LCA5L: variants seen among roughly 807,000 people sequenced by gnomAD.
LCA5L encodes the protein lebercilin-like protein.
In LCA5L, 35 loss-of-function variants were observed where a neutral mutation model predicts 45.4. The ratio of observed to expected loss-of-function variants is 0.77; its 90% CI spans 0.59 to 1.02. The LOEUF (loss-of-function observed/expected upper bound fraction) is 1.02. Ranked by LOEUF, LCA5L falls within the 50% of genes least tolerant of loss-of-function variation. The probability of loss-of-function intolerance (pLI) is 0.00; values close to 1 mark genes in which losing one functional copy is unlikely to be tolerated. For synonymous variants in LCA5L, 233 were observed against 264.7 expected, an observed-to-expected ratio of 0.88 and a Z score of 1.16; for missense variants, 668 against 761.6, an observed-to-expected ratio of 0.88 and a Z score of 1.45.
intron 10 of LCA5L, 26 bp from the exon 11 acceptor site, chr21:39,406,638 G>C (rs778323633): frequency 1.3e-6 from 2 of 1,520,774 alleles, no homozygotes; most frequent in Non-Finnish European, 1.8e-6. Context: ...AGGCAATTTA[G>C]TGCTGTTTAA....
At chr21:39,424,360 A>G (rs2074275903) in intron 5 of LCA5L, among the ~76,000 whole-genome samples, 1 of 152,146 alleles carries the variant, frequency 6.6e-6, no homozygotes, top group East Asian at 1.9e-4. Context: ...ACATGCCTAT[A>G]GTCCTAGCTC....
chr21:39,424,051 T>G (rs746855733), intron 5 of LCA5L, among the ~76,000 whole-genome samples: 35 of 152,228 alleles, frequency 2.3e-4, no homozygotes, highest in Non-Finnish European at 3.8e-4. Context: ...CTCCCTCCAT[T>G]GCCCAGGCTG....
intron 2 of LCA5L, among the ~76,000 whole-genome samples, chr21:39,441,687 T>C (rs1431179088): frequency 6.6e-6 from 1 of 152,204 alleles, no homozygotes; most frequent in African/African-American, 2.4e-5. Flanking sequence ...CCCGTGCCTC[T>C]CTACTTCCAC....
intron 4 of LCA5L, among the ~76,000 whole-genome samples, chr21:39,428,893 C>T (rs985814287): frequency 4.0e-5 from 6 of 151,588 alleles, no homozygotes; most frequent in African/African-American, 1.5e-4. Flanking sequence ...GGATTACAGG[C>T]GTGAGCCACC....
At chr21:39,406,999 G>GATCACCT (rs2039179676) in intron 10 of LCA5L, among the ~76,000 whole-genome samples, 1 of 152,310 alleles carries the variant, frequency 6.6e-6, no homozygotes, top group East Asian at 1.9e-4. Context: ...GGCTGAGGCA[G>GATCACCT]GAGGACTGTT....
intron 8 of LCA5L, among the ~76,000 whole-genome samples, 163 bp from the exon 9 acceptor site, chr21:39,410,530 C>T (rs192831537): frequency 1.3e-5 from 2 of 152,038 alleles, no homozygotes; most frequent in African/African-American, 4.8e-5. Flanking sequence ...CTGTTTTTCC[C>T]TCCAGGGCCC....
intron 10 of LCA5L, chr21:39,408,662 C>G (rs1480452690): frequency 6.6e-6 from 1 of 152,394 alleles, no homozygotes; most frequent in Non-Finnish European, 1.5e-5. Context: ...TTTCCACCTA[C>G]TCCCAAGAGC....
At chr21:39,439,846 G>C (rs2076642094) in intron 2 of LCA5L, 1 of 152,162 alleles carries the variant, frequency 6.6e-6, no homozygotes, top group Non-Finnish European at 1.5e-5. Flanking sequence ...GCAAAGTTAG[G>C]AAATTAATTA....
intron 7 of LCA5L, among the ~76,000 whole-genome samples, chr21:39,412,605 C>CACACAT (rs1395670804): frequency 4.6e-5 from 7 of 151,670 alleles, no homozygotes; most frequent in African/African-American, 1.7e-4. Context: ...CATGTGCACA[C>CACACAT]ACACACACAC....
At chr21:39,428,119 A>C (rs2075082044) in intron 5 of LCA5L, 53 bp downstream of exon 5, 2 of 1,061,848 alleles carry the variant, frequency 1.9e-6, no homozygotes, top group South Asian at 3.1e-5. Context: ...GTGCAGTAAA[A>C]TAACATCATT....
chr21:39,432,501 A>AT (rs1173767476), intron 3 of LCA5L, among the ~76,000 whole-genome samples: 1 of 152,168 alleles, frequency 6.6e-6, no homozygotes, highest in Non-Finnish European at 1.5e-5. Flanking sequence ...ACAATTCTTT[A>AT]TTTTTAACCC....
chr21:39,441,547 G>A (rs1002581468), intron 2 of LCA5L, among the ~76,000 whole-genome samples: 3 of 152,096 alleles, frequency 2.0e-5, no homozygotes, highest in Non-Finnish European at 2.9e-5. Context: ...AATGTGCCAC[G>A]TTCAAAGTTT....
At chr21:39,421,172 G>T (rs953147667) in intron 6 of LCA5L, among the ~76,000 whole-genome samples, 1 of 149,074 alleles carries the variant, frequency 6.7e-6, no homozygotes, top group Non-Finnish European at 1.5e-5. Flanking sequence ...GTGCGATCTC[G>T]GCTCACTGCA....
rs547257507 is a variant in LCA5L, at chr21:39,423,627, G to T, written c.323-137C>A. 15 of 635,384 alleles carry T rather than the reference G, an allele frequency of 2.4e-5. No individual in the cohort carries two copies. In the East Asian group the frequency reaches 4.4e-4, roughly 19 times the overall value. 39.4% of individuals were successfully genotyped at this position (635,384 alleles called of 1,614,324 possible). ...ACACAAGCGTAAGTGTAACTAGAAG[G>T]GGACAAAACTATCATTTAATGAATA... On this transcript the variant is annotated intron_variant, in intron 5 of 10. Coordinates refer to ENST00000288350, the MANE Select transcript of LCA5L (RefSeq NM_152505.4).
chr21:39,416,036 A>C (rs2147377442), intron 7 of LCA5L, among the ~76,000 whole-genome samples: 1 of 152,364 alleles, frequency 6.6e-6, no homozygotes, highest in Middle Eastern at 3.4e-3. Flanking sequence ...CCACTAATTC[A>C]TTAGGAGTTT....
chr21:39,428,533 A>G (rs1353311238), intron 4 of LCA5L, 30 bp from the exon 5 acceptor site: 1 of 1,189,146 alleles, frequency 8.4e-7, no homozygotes, highest in Non-Finnish European at 1.1e-6. Flanking sequence ...ACCTAATAAA[A>G]GTATTTTTGA....
chr21:39,435,390 C>T (rs530467447), intron 3 of LCA5L, 30 bp downstream of exon 3: 1 of 152,062 alleles, frequency 6.6e-6, no homozygotes, highest in South Asian at 2.1e-4. Flanking sequence ...ATAAAACACA[C>T]TAAAATGTTT....
chr21:39,421,159 G>C (rs2042243518), intron 6 of LCA5L, among the ~76,000 whole-genome samples: 1 of 149,962 alleles, frequency 6.7e-6, no homozygotes, highest in Admixed American at 6.7e-5. Context: ...CTGGAATGCA[G>C]TGGTGCGATC....
intron 3 of LCA5L, among the ~76,000 whole-genome samples, chr21:39,434,222 T>C (rs1026698778): frequency 2.6e-5 from 4 of 152,152 alleles, no homozygotes; most frequent in African/African-American, 9.7e-5. Flanking sequence ...AAACCCAGTT[T>C]GATTCTTGGC....
Sources: allele counts gnomAD v4.1 joint callset (sites outside exome capture counted in the v4.1 genomes callset), GRCh38; gene constraint gnomAD v4.1.1; transcripts MANE v1.5; gene names NCBI Gene and HGNC (gene_info 2026-07-23, HGNC 2026-07-21).